The following TBC1D31 variants were observed in gnomAD, a reference collection of about 807,000 sequenced individuals.
TBC1D31 encodes WD repeat domain 67.
Under a neutral mutation model 132.9 loss-of-function variants are expected in TBC1D31, and 99 were observed. That is an observed-to-expected ratio of 0.74 (90% CI 0.63 to 0.88). The LOEUF (loss-of-function observed/expected upper bound fraction) is 0.88. TBC1D31 is among the 40% of genes least tolerant of loss of function. The pLI is 0.00. For missense variants in TBC1D31, 1,134 were observed against 1,256.6 expected, an observed-to-expected ratio of 0.90 and a Z score of 1.48; for synonymous variants, 385 against 419.4, an observed-to-expected ratio of 0.92 and a Z score of 1.00.
chr8:123,104,389 A>T (rs1286507911), intron 7 of TBC1D31, among the ~76,000 whole-genome samples: 1 of 152,158 alleles, frequency 6.6e-6, no homozygotes, highest in Non-Finnish European at 1.5e-5. Flanking sequence ...TTTTAATAAA[A>T]ATTTAGAAGA....
intron 4 of TBC1D31, among the ~76,000 whole-genome samples, chr8:123,087,385 G>A (rs994625036): frequency 7.2e-5 from 11 of 152,168 alleles, no homozygotes; most frequent in South Asian, 2.1e-4. Context: ...TGAACAGCTA[G>A]CAATGCATGT....
chr8:123,154,608 A>G (rs960458338), downstream of TBC1D31, among the ~76,000 whole-genome samples: 1 of 152,240 alleles, frequency 6.6e-6, no homozygotes, highest in Non-Finnish European at 1.5e-5. Context: ...CCAGAGAGCC[A>G]CAAGAAACCA....
chr8:123,106,335 T>G (rs942209966), intron 8 of TBC1D31, among the ~76,000 whole-genome samples: 1 of 152,238 alleles, frequency 6.6e-6, no homozygotes, highest in African/African-American at 2.4e-5. Flanking sequence ...CAGTAGCCTC[T>G]TGGTTATCAG....
chr8:123,073,266 A>G, intron 1 of TBC1D31: 1 of 463,914 alleles, frequency 2.2e-6, no homozygotes, highest in Non-Finnish European at 4.3e-6. Flanking sequence ...TGCCTCTTCC[A>G]AAGGCTGCAG....
chr8:123,104,886 C>T (rs974789279), intron 7 of TBC1D31, among the ~76,000 whole-genome samples: 1 of 152,138 alleles, frequency 6.6e-6, no homozygotes, highest in East Asian at 1.9e-4. Context: ...TTTCACTTGA[C>T]CCCAAAGAAT....
the TBC1D31 span, among the ~76,000 whole-genome samples, chr8:123,162,977 C>T: frequency 6.6e-6 from 1 of 152,036 alleles, no homozygotes; most frequent in African/African-American, 2.4e-5. Flanking sequence ...GGATTACAGG[C>T]GCGCCACCAC....
intron 13 of TBC1D31, 107 bp from the exon 14 acceptor site, chr8:123,128,172 AAT>A (rs1491079340): frequency 1.9e-5 from 10 of 524,264 alleles, no homozygotes; most frequent in South Asian, 3.7e-5. Context: ...TTTGCAAAAA[AAT>A]ATATATTCTT....
chr8:123,079,397 A>C lies in TBC1D31; in HGVS notation c.224+2140A>C, dbSNP rs184715776. 7.9e-5 allele frequency among the ~76,000 whole-genome samples: 12 copies of C among 152,306 alleles called. No individual in the cohort carries two copies. The East Asian group carries it at 2.3e-3, about 29-fold the overall frequency. On this transcript the variant is annotated intron_variant, in intron 2 of 21. Transcript: ENST00000287380. ...TAAATAGTTAAAGAAAAGATGTGACATATAATTTACTTCTCTGTGATTCAT... is the reference window on the plus strand; with the variant it reads ...TAAATAGTTAAAGAAAAGATGTGACCTATAATTTACTTCTCTGTGATTCAT...
intron 17 of TBC1D31, among the ~76,000 whole-genome samples, chr8:123,138,970 C>G (rs897932608): frequency 2.0e-5 from 3 of 152,016 alleles, no homozygotes; most frequent in African/African-American, 7.3e-5. Context: ...CCATCACACC[C>G]TGCTAATTTT....
At chr8:123,156,440 CAAAAAAA>C (rs34267268), downstream of TBC1D31, among the ~76,000 whole-genome samples, 4 of 100,990 alleles carry the variant, frequency 4.0e-5, no homozygotes, top group African/African-American at 1.1e-4. Flanking sequence ...GACCCTGTCT[CAAAAAAA>C]AAAAAAAAAA....
At chr8:123,120,570 G>A (rs1819378308) in intron 11 of TBC1D31, among the ~76,000 whole-genome samples, 1 of 152,136 alleles carries the variant, frequency 6.6e-6, no homozygotes, top group African/African-American at 2.4e-5. Flanking sequence ...TACTCAGGAG[G>A]CTGTGGCAGG....
intron 10 of TBC1D31, among the ~76,000 whole-genome samples, chr8:123,113,381 T>C (rs1245632658): frequency 1.3e-5 from 2 of 152,210 alleles, no homozygotes; most frequent in African/African-American, 4.8e-5. Context: ...TCTGTTCACA[T>C]TCACATTAAG....
intron 7 of TBC1D31, among the ~76,000 whole-genome samples, chr8:123,101,921 G>T (rs1817461466): frequency 6.6e-6 from 1 of 152,114 alleles, no homozygotes; most frequent in Non-Finnish European, 1.5e-5. Flanking sequence ...TACTTTAGTG[G>T]CTTCCTTCCT....
chr8:123,096,441 C>T (rs1195504502), intron 5 of TBC1D31, among the ~76,000 whole-genome samples: 1 of 152,226 alleles, frequency 6.6e-6, no homozygotes, highest in African/African-American at 2.4e-5. Flanking sequence ...TAGAATTCTT[C>T]CTCCAAGTCA....
chr8:123,156,788 GCCTACCC>G (rs1823001179), downstream of TBC1D31, among the ~76,000 whole-genome samples: 2 of 152,160 alleles, frequency 1.3e-5, no homozygotes, highest in African/African-American at 4.8e-5. Context: ...CATCAATGCT[GCCTACCC>G]ATCCCGCAGC....
Position 123,072,793 on chromosome 8 carries a change from C to T in TBC1D31, c.24C>T (p.Asn8=). The change falls in exon 1 of 22, where the codon AAC becomes AAT. Residue 8 remains asparagine (N), a synonymous_variant. Coordinates refer to ENST00000287380, the MANE Select transcript of TBC1D31 (RefSeq NM_145647.4). ...CCATGCAGAGCACTGACCTAGGCAA[C>T]AAGGAGAGCGGCAAGATATGGCACC... The part of the protein sequence containing the change: MQSTDLG[N]KESGKIWHRK... 6.4e-7 allele frequency: 1 copy of T among 1,572,726 alleles called. No individual in the cohort carries two copies. Among genetic ancestry groups the T allele is most frequent in the Non-Finnish European group, 8.6e-7 (1 of 1,159,468 alleles).
chr8:123,109,401 A>T lies in TBC1D31; in HGVS notation c.1289+5A>T. ...TGAATATCCAACAAAATACAGGTAC[A>T]ATTTAAATTCTGTATGTTACATCAG... On this transcript the variant is annotated splice_donor_5th_base_variant and intron_variant, in intron 9 of 21. Transcript: ENST00000287380. The T allele has an allele frequency of 6.2e-7, 1 of 1,608,996 alleles. No homozygotes were observed. Among genetic ancestry groups the T allele is most frequent in the Non-Finnish European group, 8.5e-7 (1 of 1,176,886 alleles).
chr8:123,126,028 G>T, intron 11 of TBC1D31, 28 bp from the exon 12 acceptor site: 2 of 1,544,956 alleles, frequency 1.3e-6, no homozygotes, highest in Non-Finnish European at 1.7e-6. Flanking sequence ...GATATTTAAA[G>T]ATATGTTTTC....
intron 10 of TBC1D31, among the ~76,000 whole-genome samples, chr8:123,116,269 A>C (rs1563719602): frequency 6.6e-6 from 1 of 152,184 alleles, no homozygotes; most frequent in East Asian, 1.9e-4. Context: ...CATATCTTAC[A>C]CCATATAAAT....
Sources: gnomAD v4.1 joint callset for allele counts (sites outside exome capture counted in the v4.1 genomes callset) on GRCh38, gnomAD v4.1.1 for gene constraint, MANE v1.5 for transcripts, NCBI Gene and HGNC (gene_info 2026-07-23, HGNC 2026-07-21) for gene names.